The following RFX3 variants were observed in gnomAD, a reference collection of about 807,000 sequenced individuals.
The protein encoded by RFX3 is regulatory factor X3.
A neutral mutation model predicts 98.6 loss-of-function variants in RFX3; 14 were observed. That is an observed-to-expected ratio of 0.14 (90% CI 0.09 to 0.22). RFX3 has a LOEUF of 0.22. Among genes scored for constraint, RFX3 ranks in the 10% least tolerant of loss-of-function variants. RFX3 has a pLI of 1.00. For missense variants in RFX3, 639 were observed against 926.9 expected (o/e 0.69, Z 4.03); for synonymous variants, 383 against 328.4 (o/e 1.17, Z -1.80).
intron 1 of RFX3, among the ~76,000 whole-genome samples, chr9:3,423,786 T>TATATATATAC (rs1024056814): frequency 8.5e-6 from 1 of 118,284 alleles, no homozygotes; most frequent in Non-Finnish European, 1.6e-5. Flanking sequence ...TTCATATATA[T>TATATATATAC]ATATATATAT....
rs905153341 is a variant in RFX3, at chr9:3,365,098, G to A, written c.118-18334C>T. ...AGGTGGATCACAAGGTCAGGAGATC[G>A]AGACCATCCTGGCCAACATGGTGAA... On this transcript the variant is annotated intron_variant, in intron 2 of 16. Transcript: ENST00000617270. Among the ~76,000 whole-genome samples, 5 of 152,130 alleles carry A rather than the reference G, an allele frequency of 3.3e-5. No homozygotes were observed. The East Asian group carries it at 5.8e-4, about 18-fold the overall frequency.
intron 2 of RFX3, among the ~76,000 whole-genome samples, chr9:3,356,458 C>A (rs1835784979): frequency 1.3e-5 from 2 of 151,764 alleles, no homozygotes; most frequent in African/African-American, 4.8e-5. Flanking sequence ...CCAAAACACC[C>A]AATCCCAAAT....
intron 12 of RFX3, among the ~76,000 whole-genome samples, chr9:3,263,583 C>A (rs1480016086): frequency 6.6e-6 from 1 of 152,152 alleles, no homozygotes; most frequent in Non-Finnish European, 1.5e-5. Context: ...CAGATTTATT[C>A]TTACTACCTT....
intron 15 of RFX3, among the ~76,000 whole-genome samples, chr9:3,236,596 GCAGAGGTGGGCAGT>G (rs1819182792): frequency 1.3e-5 from 2 of 152,314 alleles, no homozygotes; most frequent in Admixed American, 1.3e-4. Context: ...TCCATGCTGT[GCAGAGGTGGGCAGT>G]CAGAGGCCAA....
intron 1 of RFX3, among the ~76,000 whole-genome samples, chr9:3,496,484 C>G (rs1851116883): frequency 6.6e-6 from 1 of 151,980 alleles, no homozygotes; most frequent in African/African-American, 2.4e-5. Flanking sequence ...CTATTTTCAG[C>G]TGCTACCCTC....
chr9:3,250,994 G>A (rs1586740415), intron 14 of RFX3, among the ~76,000 whole-genome samples: 1 of 152,136 alleles, frequency 6.6e-6, no homozygotes, highest in African/African-American at 2.4e-5. Flanking sequence ...CTTATCCAAA[G>A]ATATACGTAC....
Position 3,270,519 on chromosome 9 carries a change from C to G in RFX3, c.1209G>C (p.Leu403=). Residue 403 remains leucine, a synonymous_variant, in exon 11 of 17, where the codon CTG becomes CTC. Coordinates refer to ENST00000617270, the MANE Select transcript of RFX3 (RefSeq NM_001282116.2). ...DGTTITESSN[L]SEIESRLPKA... Reference sequence around the variant, plus strand: ...TCGGAAGTCGACTTTCTATTTCACTCAGATTGCTGGTGTGAATAAATGTAG... The same window carrying G: ...TCGGAAGTCGACTTTCTATTTCACTGAGATTGCTGGTGTGAATAAATGTAG... The G allele has an allele frequency of 6.2e-7, 1 of 1,612,442 alleles. No individual in the cohort carries two copies. Among genetic ancestry groups the G allele is most frequent in the Non-Finnish European group, 8.5e-7 (1 of 1,179,282 alleles).
chr9:3,284,028 T>C (rs1204937379), intron 7 of RFX3, among the ~76,000 whole-genome samples: 1 of 151,770 alleles, frequency 6.6e-6, no homozygotes, highest in African/African-American at 2.4e-5. Context: ...TCTTCCTTCC[T>C]TCTCTAACAT....
intron 1 of RFX3, among the ~76,000 whole-genome samples, chr9:3,523,181 T>C (rs1012207069): frequency 3.9e-5 from 6 of 152,212 alleles, no homozygotes; most frequent in Admixed American, 3.9e-4. Context: ...CATTTGACTA[T>C]TCAAAACAAG....
chr9:3,464,291 T>C (rs1282571483), intron 1 of RFX3, among the ~76,000 whole-genome samples: 1 of 152,134 alleles, frequency 6.6e-6, no homozygotes, highest in Non-Finnish European at 1.5e-5. Context: ...TTTATCCGAG[T>C]AAAATAAAAA....
At chr9:3,316,068 A>G (rs1447003553) in intron 4 of RFX3, among the ~76,000 whole-genome samples, 1 of 152,118 alleles carries the variant, frequency 6.6e-6, no homozygotes, top group East Asian at 1.9e-4. Context: ...CAGGGACACA[A>G]TAAAAAAAAA....
intron 1 of RFX3, among the ~76,000 whole-genome samples, chr9:3,447,550 A>C (rs1308328051): frequency 6.6e-6 from 1 of 152,132 alleles, no homozygotes; most frequent in African/African-American, 2.4e-5. Context: ...TTCTTTTACT[A>C]TTTTCAACTT....
chr9:3,496,215 A>T (rs1285692675), intron 1 of RFX3, among the ~76,000 whole-genome samples: 1 of 152,060 alleles, frequency 6.6e-6, no homozygotes. Flanking sequence ...TACTAAAATA[A>T]CTAAACTTGT....
At chr9:3,456,481 T>C (rs981155147) in intron 1 of RFX3, among the ~76,000 whole-genome samples, 3 of 152,160 alleles carry the variant, frequency 2.0e-5, no homozygotes, top group Non-Finnish European at 4.4e-5. Flanking sequence ...CAGCTTTATG[T>C]GATATGCAAA....
chr9:3,299,930 TA>T lies in RFX3; in HGVS notation c.549+1615del, dbSNP rs1185565431. Among the ~76,000 whole-genome samples the T allele has an allele frequency of 6.6e-5, 10 of 151,548 alleles. No individual in the cohort carries two copies. In the East Asian group the frequency reaches 1.9e-3, roughly 29 times the overall value. On this transcript the variant is annotated intron_variant, in intron 5 of 16. Coordinates refer to ENST00000617270, the MANE Select transcript of RFX3 (RefSeq NM_001282116.2). ...ATTTTACTAAGTTATTCATGTCAAG[TA>T]AAAATGAACCCTGAGTTGAATATGA...
chr9:3,245,044 T>C (rs961679142), intron 15 of RFX3, among the ~76,000 whole-genome samples: 1 of 152,190 alleles, frequency 6.6e-6, no homozygotes, highest in African/African-American at 2.4e-5. Flanking sequence ...GAGCTAGAAG[T>C]AGAATTCACT....
intron 1 of RFX3, among the ~76,000 whole-genome samples, chr9:3,454,528 G>A (rs1418987252): frequency 6.6e-6 from 1 of 152,132 alleles, no homozygotes; most frequent in East Asian, 1.9e-4. Context: ...CCACTAGAAA[G>A]CCAAAAAGCA....
intron 1 of RFX3, chr9:3,453,599 A>T (rs1846875591): frequency 6.5e-6 from 1 of 153,856 alleles, no homozygotes; most frequent in Admixed American, 6.5e-5. Flanking sequence ...AATCCCAGCT[A>T]CTTGGGAGGC....
intron 15 of RFX3, among the ~76,000 whole-genome samples, chr9:3,232,505 G>T (rs1307852707): frequency 6.6e-6 from 1 of 152,128 alleles, no homozygotes. Flanking sequence ...TTACTGCCAT[G>T]GGTAAGAAAG....
Sources: gnomAD v4.1 joint callset for allele counts (sites outside exome capture counted in the v4.1 genomes callset) on GRCh38, gnomAD v4.1.1 for gene constraint, MANE v1.5 for transcripts, NCBI Gene and HGNC (gene_info 2026-07-23, HGNC 2026-07-21) for gene names.